Variants in ZBED6 observed in about 807,000 individuals in gnomAD.
The protein encoded by ZBED6 is zinc finger BED domain-containing protein 6.
A neutral mutation model predicts 58.4 loss-of-function variants in ZBED6; 40 were observed. The ratio of observed to expected loss-of-function variants is 0.68; its 90% CI spans 0.53 to 0.89. The LOEUF (loss-of-function observed/expected upper bound fraction) is 0.89. Ranked by LOEUF, ZBED6 falls within the 40% of genes least tolerant of loss-of-function variation. The probability of loss-of-function intolerance (pLI) is 0.00; values close to 1 mark genes in which losing one functional copy is unlikely to be tolerated. For synonymous variants in ZBED6, 439 were observed against 350.6 expected, an observed-to-expected ratio of 1.25 and a Z score of -2.82; for missense variants, 1,057 against 1,003.9, an observed-to-expected ratio of 1.05 and a Z score of -0.71.
intron 8 of ZBED6, 69 bp from the exon 9 acceptor site, chr1:203,833,722 A>T: frequency 7.5e-7 from 1 of 1,335,460 alleles, no homozygotes; most frequent in Non-Finnish European, 1.0e-6. Flanking sequence ...CATACTTTGT[A>T]CCCATTAGTA....
chr1:203,803,524 G>A (rs1029438608), intron 1 of ZBED6, among the ~76,000 whole-genome samples: 1 of 152,098 alleles, frequency 6.6e-6, no homozygotes, highest in East Asian at 1.9e-4. Context: ...GATAATATAT[G>A]TACATTGTAA....
rs368339860 is a variant in ZBED6, at chr1:203,838,080, C to T, written c.*3672+16C>T. 9.9e-6 allele frequency: 16 copies of T among 1,611,206 alleles called. No individual in the cohort carries two copies. In the African/African-American group the frequency reaches 1.1e-4, roughly 11 times the overall value. ...CCAAAGAAAGGTACCTGTGTTCTTA[C>T]ATACTTTGTGTGTGTATGTAATTAT... On this transcript the variant is annotated intron_variant, in intron 10 of 16. Transcript: ENST00000550078.
intron 3 of ZBED6, among the ~76,000 whole-genome samples, chr1:203,823,260 G>T (rs1473022549): frequency 6.6e-6 from 1 of 152,176 alleles, no homozygotes; most frequent in Non-Finnish European, 1.5e-5. Flanking sequence ...AAAGACACTG[G>T]AGGAATCTGG....
intron 10 of ZBED6, among the ~76,000 whole-genome samples, chr1:203,839,059 A>G (rs1354898035): frequency 2.6e-5 from 4 of 152,036 alleles, no homozygotes. Context: ...ATGGAGACAG[A>G]TTAGAAGGGG....
exon 17 of ZBED6, chr1:203,852,917 A>G (rs890731907): frequency 3.0e-5 from 5 of 164,364 alleles, no homozygotes; most frequent in South Asian, 3.1e-4. Context: ...TAAAGATTCA[A>G]CTAAGCTTTA....
At chr1:203,837,640 A>G (rs1015184837) in intron 9 of ZBED6, among the ~76,000 whole-genome samples, 10 of 151,624 alleles carry the variant, frequency 6.6e-5, no homozygotes, top group African/African-American at 2.4e-4. Flanking sequence ...ATGCCTGACT[A>G]TTTTTTATTT....
exon 1 of ZBED6, chr1:203,797,950 C>G: frequency 6.5e-7 from 1 of 1,535,982 alleles, no homozygotes; most frequent in Non-Finnish European, 8.7e-7. Context: ...CATGTTGACC[C>G]CCAGTACACC....
At chr1:203,834,494 A>C (rs904189530) in intron 9 of ZBED6, among the ~76,000 whole-genome samples, 2 of 151,908 alleles carry the variant, frequency 1.3e-5, no homozygotes, top group African/African-American at 4.8e-5. Context: ...CTGGTCTCCA[A>C]CTCCTGGGCT....
intron 13 of ZBED6, 128 bp downstream of exon 13, chr1:203,848,535 A>G (rs1220855913): frequency 6.0e-6 from 4 of 670,376 alleles, no homozygotes; most frequent in African/African-American, 5.6e-5. Flanking sequence ...CTTTTTACTT[A>G]TAATTTCTTA....
chr1:203,803,774 T>G (rs190058900), intron 1 of ZBED6, among the ~76,000 whole-genome samples: 1 of 152,190 alleles, frequency 6.6e-6, no homozygotes, highest in East Asian at 1.9e-4. Context: ...CCTGGCTACT[T>G]TTTAAAACCT....
intron 3 of ZBED6, among the ~76,000 whole-genome samples, chr1:203,822,119 T>A (rs543846796): frequency 6.6e-6 from 1 of 152,278 alleles, no homozygotes; most frequent in Non-Finnish European, 1.5e-5. Context: ...TGCTTCCAGT[T>A]CATCAATGCC....
intron 9 of ZBED6, 118 bp downstream of exon 9, chr1:203,833,971 G>A: frequency 7.2e-7 from 1 of 1,397,806 alleles, no homozygotes. Context: ...TTGGCTGAAA[G>A]CACTTATAAA....
intron 1 of ZBED6, chr1:203,805,780 G>A (rs1025966041): frequency 1.6e-5 from 11 of 703,764 alleles, no homozygotes; most frequent in Middle Eastern, 4.1e-4. Context: ...ATCCAACTCT[G>A]CTTCTAGGTT....
At chr1:203,821,748 T>C (rs1006928862) in intron 3 of ZBED6, among the ~76,000 whole-genome samples, 1 of 151,918 alleles carries the variant, frequency 6.6e-6, no homozygotes, top group Non-Finnish European at 1.5e-5. Context: ...TACATCATTA[T>C]GGTTTTTGGT....
At chr1:203,833,756 CTAAGGATAG>C in intron 8 of ZBED6, 26 bp from the exon 9 acceptor site, 1 of 1,584,514 alleles carries the variant, frequency 6.3e-7, no homozygotes, top group Non-Finnish European at 8.6e-7. Flanking sequence ...GAAAAATTGA[CTAAGGATAG>C]AGAAATTCTG....
chr1:203,847,709 T>A (rs1032487951), intron 12 of ZBED6, 22 bp downstream of exon 12: 1 of 1,602,872 alleles, frequency 6.2e-7, no homozygotes, highest in African/African-American at 1.3e-5. Flanking sequence ...ACTTGGTCTC[T>A]AGTACCACGT....
exon 1 of ZBED6, chr1:203,797,901 A>T (rs1669159059): frequency 6.5e-7 from 1 of 1,536,084 alleles, no homozygotes; most frequent in Non-Finnish European, 8.7e-7. Context: ...CTATCTACCT[A>T]GTACTAGAGC....
intron 1 of ZBED6, among the ~76,000 whole-genome samples, chr1:203,814,049 A>G (rs960023342): frequency 1.3e-5 from 2 of 151,128 alleles, no homozygotes; most frequent in Non-Finnish European, 2.9e-5. Context: ...TTTTTGCTTC[A>G]TAGTTCTTGC....
At chr1:203,833,380 A>C (rs1442390960) in intron 8 of ZBED6, among the ~76,000 whole-genome samples, 44 of 119,816 alleles carry the variant, frequency 3.7e-4, no homozygotes, top group African/African-American at 8.1e-4. Flanking sequence ...AAAAAAAAAA[A>C]AAAACACCAG....
Sources: gnomAD v4.1 joint callset for allele counts (sites outside exome capture counted in the v4.1 genomes callset) on GRCh38, gnomAD v4.1.1 for gene constraint, MANE v1.5 for transcripts, NCBI Gene and HGNC (gene_info 2026-07-23, HGNC 2026-07-21) for gene names.